KDSR: variants seen among roughly 807,000 people sequenced by gnomAD.
KDSR encodes 3-ketodihydrosphingosine reductase.
In KDSR, 23 loss-of-function variants were observed where a neutral mutation model predicts 41.3. The observed-to-expected ratio is 0.56, with a 90% CI of 0.40 to 0.79. The LOEUF (loss-of-function observed/expected upper bound fraction) is 0.79. KDSR is among the 30% of genes least tolerant of loss of function. The probability of loss-of-function intolerance (pLI) is 0.00; values close to 1 mark genes in which losing one functional copy is unlikely to be tolerated. For synonymous variants in KDSR, 138 were observed against 151.7 expected, an observed-to-expected ratio of 0.91 and a Z score of 0.66; for missense variants, 351 against 416.8, an observed-to-expected ratio of 0.84 and a Z score of 1.37.
intron 6 of KDSR, among the ~76,000 whole-genome samples, chr18:63,349,223 A>C (rs1221706823): frequency 1.3e-5 from 2 of 152,022 alleles, no homozygotes; most frequent in Non-Finnish European, 2.9e-5. Context: ...CTCTACAAAA[A>C]ATTTTAAAAA....
rs1341182817 is a variant in KDSR, at chr18:63,329,330, A to G, written c.*2452T>C. On this transcript the variant is annotated 3_prime_UTR_variant, in exon 10 of 10. Transcript: ENST00000645214. Reference sequence around the variant, plus strand: ...CACAGCATCTAAGGGAAAACCTATAATCAAATCCATGGATATTTCTTCAGG... The same window carrying G: ...CACAGCATCTAAGGGAAAACCTATAGTCAAATCCATGGATATTTCTTCAGG... The G allele has an allele frequency of 4.8e-6, 1 of 207,386 alleles. No individual in the cohort carries two copies. Among genetic ancestry groups the G allele is most frequent in the East Asian group, 7.3e-5 (1 of 13,682 alleles). 12.8% of individuals were successfully genotyped at this position (207,386 alleles called of 1,614,324 possible). A position where few individuals can be genotyped will look rare whatever the true frequency, so the allele number is the denominator to read the frequency against.
intron 1 of KDSR, among the ~76,000 whole-genome samples, chr18:63,365,020 T>C (rs1915095039): frequency 3.3e-5 from 5 of 152,206 alleles, no homozygotes; most frequent in Admixed American, 3.3e-4. Context: ...CCTACGCAAA[T>C]GCACCTACCT....
chr18:63,348,254 A>G (rs952067298), intron 6 of KDSR, among the ~76,000 whole-genome samples: 1 of 151,990 alleles, frequency 6.6e-6, no homozygotes, highest in Non-Finnish European at 1.5e-5. Context: ...GGCTACAGTG[A>G]GCCAAGATCA....
chr18:63,366,699 A>G (rs1484774653), intron 1 of KDSR: 1 of 292,842 alleles, frequency 3.4e-6, no homozygotes, highest in African/African-American at 2.2e-5. Flanking sequence ...TCCACATCCC[A>G]GGGATGTTGC....
At chr18:63,338,389 A>G (rs1914245926) in intron 8 of KDSR, among the ~76,000 whole-genome samples, 1 of 152,254 alleles carries the variant, frequency 6.6e-6, no homozygotes, top group Admixed American at 6.5e-5. Context: ...ACAGGAGGAC[A>G]GGCCCACGGG....
chr18:63,337,208 T>C (rs952078379), intron 8 of KDSR, among the ~76,000 whole-genome samples: 3 of 150,928 alleles, frequency 2.0e-5, no homozygotes, highest in Admixed American at 6.6e-5. Flanking sequence ...CTCCACCTCC[T>C]GGGTTCAAGC....
In KDSR at chr18:63,331,402, T is replaced by C. The variant is rs1383781333; in HGVS notation, c.*380A>G. The C allele has an allele frequency of 4.3e-6, 1 of 234,236 alleles. No individual in the cohort carries two copies. Among genetic ancestry groups the C allele is most frequent in the Non-Finnish European group, 8.4e-6 (1 of 118,988 alleles). 14.5% of individuals were successfully genotyped at this position (234,236 alleles called of 1,614,324 possible). A position where few individuals can be genotyped will look rare whatever the true frequency, so the allele number is the denominator to read the frequency against. On this transcript the variant is annotated 3_prime_UTR_variant, in exon 10 of 10. Transcript: ENST00000645214. ...AAGGTTTAAACAAAGTCCTCAAGAT[T>C]TCTTTATGTGCCAGAAAGTACATTT... is the stretch of plus-strand genomic sequence containing the variant.
intron 3 of KDSR, 142 bp from the exon 4 acceptor site, chr18:63,355,705 C>A: frequency 1.6e-6 from 2 of 1,220,058 alleles, no homozygotes; most frequent in South Asian, 3.8e-5. Flanking sequence ...GCTGATGATG[C>A]AATTAGCAGA....
At chr18:63,344,389 T>G in intron 7 of KDSR, 21 bp downstream of exon 7, 1 of 1,553,976 alleles carries the variant, frequency 6.4e-7, no homozygotes, top group Non-Finnish European at 8.9e-7. Flanking sequence ...AGGTTCAAAT[T>G]GGGACATGTA....
rs1485614180 is a variant in KDSR, at chr18:63,355,296, G to A, written c.325C>T (p.Gln109Ter). The change falls in exon 5 of 10, where the codon CAG (glutamine) becomes TAG (stop). Residue 109 changes from glutamine to a stop codon, truncating the protein, a stop_gained. Coordinates refer to ENST00000645214, the MANE Select transcript of KDSR (RefSeq NM_002035.4). LOFTEE classifies it high-confidence loss of function. ...ATGTCCACTGGACCCAGTTTCTCCT[G>A]TGCCTAGAAAAATGTAGCAGAGCAG... The part of the protein sequence containing the change: ...NQVENVIKQA[Q>*]EKLGPVDMLV... 2 of 1,613,524 alleles carry A rather than the reference G, an allele frequency of 1.2e-6. No homozygotes were observed. The highest frequency in any genetic ancestry group is 1.1e-5 in the South Asian group (1 of 90,998).
At chr18:63,360,756 C>T (rs1437549451) in intron 2 of KDSR, among the ~76,000 whole-genome samples, 4 of 151,072 alleles carry the variant, frequency 2.6e-5, no homozygotes, top group Non-Finnish European at 5.9e-5. Flanking sequence ...TGGTGGCGAG[C>T]ACCTGTGGTC....
In KDSR at chr18:63,360,849, A is replaced by C. The variant is rs1235112938; in HGVS notation, c.199-1057T>G. On this transcript the variant is annotated intron_variant, in intron 2 of 9. Coordinates refer to ENST00000645214, the MANE Select transcript of KDSR (RefSeq NM_002035.4). ...CAGTGAGCCGAGATTGTGTCACTGC[A>C]CTCCAGCCTGGGTGACACAGTGAGG... Among the ~76,000 whole-genome samples the C allele has an allele frequency of 3.4e-5, 5 of 148,680 alleles. No individual in the cohort carries two copies. In the Admixed American group the frequency reaches 3.4e-4, roughly 10 times the overall value.
At chr18:63,355,870 A>G (rs979365528) in intron 3 of KDSR, among the ~76,000 whole-genome samples, 1 of 152,222 alleles carries the variant, frequency 6.6e-6, no homozygotes, top group African/African-American at 2.4e-5. Flanking sequence ...GAACTGTGAA[A>G]GGGCACAGGC....
At chr18:63,333,052 G>A (rs1484141774) in intron 9 of KDSR, among the ~76,000 whole-genome samples, 2 of 152,034 alleles carry the variant, frequency 1.3e-5, no homozygotes, top group Non-Finnish European at 2.9e-5. Context: ...CGTGGGGTAG[G>A]AGATCAGGTG....
chr18:63,331,800 A>G lies in KDSR; in HGVS notation c.981T>C (p.Asn327=), dbSNP rs376633670. The change falls in exon 10 of 10, where the codon AAT becomes AAC. Residue 327 remains asparagine (N), a synonymous_variant. Transcript: ENST00000645214. ...RCMMQREKSE[N]ADKTA Reference sequence around the variant, plus strand: ...AAGAAGATTAGGCAGTTTTGTCTGCATTTTCAGATTTTTCTCTCTGCATCA... The same window carrying G: ...AAGAAGATTAGGCAGTTTTGTCTGCGTTTTCAGATTTTTCTCTCTGCATCA... 128 of 1,613,780 alleles carry G rather than the reference A, an allele frequency of 7.9e-5. No individual in the cohort carries two copies. Among genetic ancestry groups the G allele is most frequent in the Non-Finnish European group, 1.0e-4 (119 of 1,179,938 alleles).
chr18:63,352,602 C>T (rs1449739400), intron 5 of KDSR, among the ~76,000 whole-genome samples: 1 of 152,176 alleles, frequency 6.6e-6, no homozygotes, highest in African/African-American at 2.4e-5. Flanking sequence ...AGGTGTGAGC[C>T]ACTGTACTTG....
chr18:63,355,253 C>G lies in KDSR; in HGVS notation c.368G>C (p.Gly123Ala). The change falls in exon 5 of 10, where the codon GGA (glycine) becomes GCA (alanine). Residue 123 changes from glycine (G) to alanine (A), a missense_variant. Gly to Ala is a moderately conservative substitution (Grantham distance 60, BLOSUM62 0). Transcript: ENST00000645214. ...GPVDMLVNCAGMAVSGKFEDL... is the reference protein window; with the variant it reads ...GPVDMLVNCAAMAVSGKFEDL... ...TTCAAATTTTCCTGACACTGCCATT[C>G]CTGCACAATTTACCAGCATGTCCAC... The G allele has an allele frequency of 6.2e-7, 1 of 1,614,170 alleles. No homozygotes were observed. Among genetic ancestry groups the G allele is most frequent in the Non-Finnish European group, 8.5e-7 (1 of 1,180,012 alleles).
At chr18:63,353,014 A>C (rs1198082467) in intron 5 of KDSR, among the ~76,000 whole-genome samples, 5 of 2,778 alleles carry the variant, frequency 1.8e-3, no homozygotes, top group African/African-American at 3.0e-3. Flanking sequence ...TAAAAATACA[A>C]AAAAAAAAAA....
At chr18:63,359,640 T>C in intron 3 of KDSR, 96 bp downstream of exon 3, 4 of 820,452 alleles carry the variant, frequency 4.9e-6, no homozygotes, top group Non-Finnish European at 8.4e-6. Context: ...ACATATATGC[T>C]TTCAATTAAC....
Sources: gnomAD v4.1 joint callset for allele counts (sites outside exome capture counted in the v4.1 genomes callset) on GRCh38, gnomAD v4.1.1 for gene constraint, MANE v1.5 for transcripts, NCBI Gene and HGNC (gene_info 2026-07-23, HGNC 2026-07-21) for gene names.